FRS2: variants seen among roughly 807,000 people sequenced by gnomAD.
FRS2 encodes fibroblast growth factor receptor substrate 2.
FRS2 carries 8 observed loss-of-function variants against 43.9 expected under a neutral mutation model. That is an observed-to-expected ratio of 0.18 (90% CI 0.11 to 0.33). The LOEUF is 0.33. Ranked by LOEUF, FRS2 falls within the 10% of genes least tolerant of loss-of-function variation. FRS2 has a pLI of 1.00. For synonymous variants in FRS2, 219 were observed against 220.3 expected (o/e 0.99, Z 0.05); for missense variants, 534 against 627.6 (o/e 0.85, Z 1.59).
intron 5 of FRS2, among the ~76,000 whole-genome samples, 183 bp downstream of exon 5, chr12:69,569,279 A>G (rs558548846): frequency 2.0e-5 from 3 of 151,982 alleles, no homozygotes; most frequent in African/African-American, 7.2e-5. Context: ...AATTTTTTTT[A>G]GTTTTCCTTC....
Position 69,569,082 on chromosome 12 carries a change from C to T in FRS2, c.52C>T (p.Arg18Trp), listed in dbSNP as rs1005717600. The change falls in exon 5 of 9, where the codon CGG becomes TGG. Residue 18 changes from arginine to tryptophan, a missense_variant. This residue lies in a region of FRS2 where 76 missense variants were observed against 90.5 expected (regional missense o/e 0.84). Transcript: ENST00000549921. ...PDKDTVPDNH[R>W]NKFKVINVDD... ...TAAAGACACTGTCCCAGATAACCAT[C>T]GGAACAAGTTTAAGGTCAGTAAAAC... 1.6e-5 allele frequency: 26 copies of T among 1,609,644 alleles called. No homozygotes were observed. Among genetic ancestry groups the T allele is most frequent in the East Asian group, 1.1e-4 (5 of 44,768 alleles).
At chr12:69,488,585 A>G (rs1172358242) in intron 1 of FRS2, among the ~76,000 whole-genome samples, 1 of 152,136 alleles carries the variant, frequency 6.6e-6, no homozygotes, top group Non-Finnish European at 1.5e-5. Flanking sequence ...CTGGAGCAGA[A>G]CCCGCAATAT....
intron 1 of FRS2, among the ~76,000 whole-genome samples, chr12:69,519,803 C>G (rs1290277836): frequency 6.6e-6 from 1 of 152,192 alleles, no homozygotes; most frequent in Non-Finnish European, 1.5e-5. Context: ...ATTATCCAGT[C>G]TACCATTAAA....
chr12:69,532,898 A>C (rs1228558816), intron 3 of FRS2, among the ~76,000 whole-genome samples: 1 of 152,246 alleles, frequency 6.6e-6, no homozygotes, highest in Non-Finnish European at 1.5e-5. Flanking sequence ...AGAATTATAC[A>C]TCAGGTAACA....
chr12:69,490,299 GA>G (rs1872356153), intron 1 of FRS2, among the ~76,000 whole-genome samples: 2 of 152,062 alleles, frequency 1.3e-5, no homozygotes, highest in Non-Finnish European at 2.9e-5. Flanking sequence ...AAATTAGCTT[GA>G]AAAAGATGAA....
chr12:69,561,693 C>T (rs530430055), intron 3 of FRS2, among the ~76,000 whole-genome samples: 21 of 152,054 alleles, frequency 1.4e-4, no homozygotes, highest in Admixed American at 3.9e-4. Flanking sequence ...TTGGAGGGGT[C>T]TTGTGGAATA....
intron 3 of FRS2, among the ~76,000 whole-genome samples, chr12:69,561,668 T>G (rs1298485520): frequency 6.6e-6 from 1 of 152,164 alleles, no homozygotes; most frequent in African/African-American, 2.4e-5. Context: ...ATTTACTGAT[T>G]TTTCTGAACT....
intron 1 of FRS2, among the ~76,000 whole-genome samples, chr12:69,504,509 A>G (rs942893473): frequency 3.3e-5 from 5 of 152,196 alleles, no homozygotes; most frequent in African/African-American, 1.2e-4. Context: ...TTGGCGTCAC[A>G]ATAGATTTAT....
chr12:69,496,851 A>T (rs11177692), intron 1 of FRS2, among the ~76,000 whole-genome samples: 8,813 of 152,270 alleles, frequency 0.058, 619 homozygotes, highest in East Asian at 0.38. Flanking sequence ...GGCTGAAATT[A>T]ATAACAATAG....
chr12:69,510,306 A>G (rs1240631656), intron 1 of FRS2, among the ~76,000 whole-genome samples: 3 of 151,546 alleles, frequency 2.0e-5, no homozygotes. Context: ...AGAGTTAATT[A>G]CTCCTTCTGT....
intron 3 of FRS2, among the ~76,000 whole-genome samples, chr12:69,556,895 A>G (rs1032408414): frequency 2.6e-4 from 40 of 152,226 alleles, no homozygotes; most frequent in African/African-American, 9.2e-4. Context: ...AATATTATAA[A>G]ATTCGTACTG....
intron 1 of FRS2, among the ~76,000 whole-genome samples, chr12:69,488,758 C>T (rs963905359): frequency 2.0e-5 from 3 of 152,190 alleles, no homozygotes; most frequent in African/African-American, 7.2e-5. Context: ...CAACCTTTTT[C>T]CTCATAATTC....
chr12:69,523,600 C>T (rs143102424), intron 1 of FRS2, among the ~76,000 whole-genome samples: 22 of 152,154 alleles, frequency 1.4e-4, no homozygotes, highest in African/African-American at 4.6e-4. Flanking sequence ...GATATGTGTG[C>T]GTTTGATCCT....
At chr12:69,496,852 ATAACAATAGG>A (rs1872943229) in intron 1 of FRS2, among the ~76,000 whole-genome samples, 2 of 152,220 alleles carry the variant, frequency 1.3e-5, no homozygotes, top group African/African-American at 4.8e-5. Flanking sequence ...GCTGAAATTA[ATAACAATAGG>A]TAACAGAGAA....
intron 4 of FRS2, among the ~76,000 whole-genome samples, chr12:69,565,855 G>T (rs1649715147): frequency 2.0e-5 from 3 of 151,942 alleles, no homozygotes; most frequent in Non-Finnish European, 2.9e-5. Flanking sequence ...AGTATACTCT[G>T]ATATAATAGT....
intron 1 of FRS2, among the ~76,000 whole-genome samples, chr12:69,516,176 T>C (rs925397153): frequency 2.6e-5 from 4 of 151,798 alleles, no homozygotes; most frequent in Non-Finnish European, 4.4e-5. Flanking sequence ...TGGGCAGATA[T>C]ATTTTTGTAA....
Position 69,556,019 on chromosome 12 carries a change from G to T in FRS2, c.-121-6161G>T, listed in dbSNP as rs551783863. ...CAGTGTGTGTGTGGCGGGGGGGGGG[G>T]CGGTGTACACATGGTATACACATTT... is the stretch of plus-strand genomic sequence containing the variant. On this transcript the variant is annotated intron_variant, in intron 3 of 8. Transcript: ENST00000549921. Among the ~76,000 whole-genome samples the T allele has an allele frequency of 2.9e-3, 423 of 144,938 alleles. 4 individuals are homozygous for T. Among genetic ancestry groups the T allele is most frequent in the African/African-American group, 0.01 (399 of 39,072 alleles).
chr12:69,510,796 A>G (rs1247828911), intron 1 of FRS2, among the ~76,000 whole-genome samples: 1 of 152,160 alleles, frequency 6.6e-6, no homozygotes, highest in Non-Finnish European at 1.5e-5. Context: ...TACCCTGCAC[A>G]TTGTCTTTAT....
intron 1 of FRS2, among the ~76,000 whole-genome samples, chr12:69,489,165 A>G (rs1260687522): frequency 6.6e-6 from 1 of 152,164 alleles, no homozygotes; most frequent in Non-Finnish European, 1.5e-5. Flanking sequence ...CAAATACAGC[A>G]TGTACTCTTA....
Sources: allele counts gnomAD v4.1 joint callset (sites outside exome capture counted in the v4.1 genomes callset), GRCh38; gene constraint gnomAD v4.1.1; regional missense constraint gnomAD v4.1.1; transcripts MANE v1.5; gene names NCBI Gene and HGNC (gene_info 2026-07-23, HGNC 2026-07-21).